ADGRG6: variants seen among roughly 807,000 people sequenced by gnomAD.
ADGRG6 encodes adhesion G protein-coupled receptor G6, also known as G-protein coupled receptor 126.
Under a neutral mutation model 142.4 loss-of-function variants are expected in ADGRG6, and 84 were observed. The observed-to-expected ratio is 0.59, with a 90% confidence interval of 0.49 to 0.71. The LOEUF is 0.71. Among genes scored for constraint, ADGRG6 ranks in the 30% least tolerant of loss-of-function variants. The pLI is 0.00. For missense variants in ADGRG6, 1,367 were observed against 1,466.6 expected, an observed-to-expected ratio of 0.93 and a Z score of 1.11; for synonymous variants, 521 against 520.5, an observed-to-expected ratio of 1.00 and a Z score of -0.01.
At chr6:142,429,083 T>G (rs1044263117) in intron 22 of ADGRG6, among the ~76,000 whole-genome samples, 2 of 152,182 alleles carry the variant, frequency 1.3e-5, no homozygotes, top group African/African-American at 4.8e-5. Flanking sequence ...GCAGAGAATA[T>G]TCTACTTCCA....
At chr6:142,326,307 CA>C (rs74763325) in intron 2 of ADGRG6, among the ~76,000 whole-genome samples, 695 of 131,162 alleles carry the variant, frequency 5.3e-3, no homozygotes, top group Middle Eastern at 0.011. Flanking sequence ...GTCCTCCCAG[CA>C]AAAAAAAAAA....
At chr6:142,355,591 C>A (rs1480789040) in intron 2 of ADGRG6, among the ~76,000 whole-genome samples, 1 of 152,100 alleles carries the variant, frequency 6.6e-6, no homozygotes, top group Non-Finnish European at 1.5e-5. Context: ...CACCTCTGCT[C>A]TCCAGCGACA....
chr6:142,361,319 C>T (rs946396326), intron 2 of ADGRG6, among the ~76,000 whole-genome samples: 3 of 152,108 alleles, frequency 2.0e-5, no homozygotes, highest in Admixed American at 6.5e-5. Context: ...CCAAGAATTT[C>T]GTTTAAATGC....
chr6:142,319,382 TCTC>T (rs1289328014), intron 2 of ADGRG6, among the ~76,000 whole-genome samples: 1 of 152,092 alleles, frequency 6.6e-6, no homozygotes, highest in Non-Finnish European at 1.5e-5. Flanking sequence ...CGGACAAAAA[TCTC>T]CTTTTTTATA....
At chr6:142,401,944 A>G in intron 11 of ADGRG6, 50 bp from the exon 12 acceptor site, 1 of 858,698 alleles carries the variant, frequency 1.2e-6, no homozygotes, top group Non-Finnish European at 1.9e-6. Context: ...AAGCAGTACA[A>G]AATAATACCA....
At chr6:142,432,206 T>G (rs1313395682) in intron 22 of ADGRG6, among the ~76,000 whole-genome samples, 3 of 152,170 alleles carry the variant, frequency 2.0e-5, no homozygotes, top group African/African-American at 7.2e-5. Context: ...ATATTGCTTG[T>G]GTGCACTGTT....
At chr6:142,409,851 T>G in intron 16 of ADGRG6, 23 bp from the exon 17 acceptor site, 1 of 1,215,770 alleles carries the variant, frequency 8.2e-7, no homozygotes, top group Admixed American at 2.2e-5. Context: ...CAATTTCACA[T>G]GTTTATTCTT....
intron 18 of ADGRG6, among the ~76,000 whole-genome samples, 174 bp from the exon 19 acceptor site, chr6:142,414,795 T>G (rs533257737): frequency 1.2e-4 from 18 of 152,346 alleles, no homozygotes; most frequent in African/African-American, 4.1e-4. Context: ...TTTTTTCTTT[T>G]ATTTATTGAT....
chr6:142,398,110 T>G (rs930205375), intron 10 of ADGRG6, among the ~76,000 whole-genome samples: 1 of 152,160 alleles, frequency 6.6e-6, no homozygotes, highest in African/African-American at 2.4e-5. Context: ...GAGATAAATC[T>G]TATAGAAGGA....
At chr6:142,354,126 A>G (rs1780322888) in intron 2 of ADGRG6, among the ~76,000 whole-genome samples, 1 of 152,198 alleles carries the variant, frequency 6.6e-6, no homozygotes, top group Non-Finnish European at 1.5e-5. Context: ...CCCTCCTGTA[A>G]GCAGATATTT....
intron 22 of ADGRG6, among the ~76,000 whole-genome samples, chr6:142,425,936 C>A (rs1386159626): frequency 1.3e-5 from 2 of 152,174 alleles, no homozygotes; most frequent in Admixed American, 6.6e-5. Flanking sequence ...CATTTACTAT[C>A]ACGATAACAG....
chr6:142,397,189 T>C lies in ADGRG6; in HGVS notation c.1425-424T>C, dbSNP rs375124366. On this transcript the variant is annotated intron_variant, in intron 9 of 24. Coordinates refer to ENST00000367609, the MANE Select transcript of ADGRG6 (RefSeq NM_198569.3). ...AATATAAATAGTTAATTTCTAATAG[T>C]TAGAAATGGTAATTTCAAAAGATAA... Among the ~76,000 whole-genome samples the C allele has an allele frequency of 2.6e-5, 4 of 152,234 alleles. No individual in the cohort carries two copies. In the East Asian group the frequency reaches 7.7e-4, roughly 29 times the overall value.
chr6:142,438,737 C>T (rs1472017315), intron 24 of ADGRG6, among the ~76,000 whole-genome samples: 3 of 151,978 alleles, frequency 2.0e-5, no homozygotes, highest in Admixed American at 6.6e-5. Context: ...GACAAGTTGT[C>T]TTGGGAACAG....
At chr6:142,361,377 C>T (rs1364608099) in intron 2 of ADGRG6, among the ~76,000 whole-genome samples, 1 of 152,110 alleles carries the variant, frequency 6.6e-6, no homozygotes, top group African/African-American at 2.4e-5. Flanking sequence ...AACAAGCTCT[C>T]GGATGATGCC....
At chr6:142,398,979 C>G (rs747297120) in intron 10 of ADGRG6, among the ~76,000 whole-genome samples, 4 of 152,094 alleles carry the variant, frequency 2.6e-5, no homozygotes, top group Non-Finnish European at 5.9e-5. Flanking sequence ...TTCCCTGGAA[C>G]TGGAACACTT....
chr6:142,313,718 T>C (rs911841284), intron 2 of ADGRG6, among the ~76,000 whole-genome samples: 1 of 152,176 alleles, frequency 6.6e-6, no homozygotes, highest in Non-Finnish European at 1.5e-5. Context: ...TTTCTTATCA[T>C]AAAATGAACA....
At chr6:142,425,289 CA>C (rs1351367138) in intron 22 of ADGRG6, among the ~76,000 whole-genome samples, 1 of 152,068 alleles carries the variant, frequency 6.6e-6, no homozygotes, top group Non-Finnish European at 1.5e-5. Flanking sequence ...AGGAGACTCT[CA>C]GTGTTTGGGG....
intron 22 of ADGRG6, among the ~76,000 whole-genome samples, chr6:142,436,992 A>G (rs1351144786): frequency 6.6e-6 from 1 of 152,222 alleles, no homozygotes; most frequent in African/African-American, 2.4e-5. Context: ...TATAATATAC[A>G]TATGTAAAAT....
At chr6:142,336,171 G>C (rs539598602) in intron 2 of ADGRG6, among the ~76,000 whole-genome samples, 1 of 152,220 alleles carries the variant, frequency 6.6e-6, no homozygotes, top group East Asian at 1.9e-4. Flanking sequence ...CTTCTCTCAA[G>C]GATAAAGGCT....
Sources: gnomAD v4.1 joint callset for allele counts (sites outside exome capture counted in the v4.1 genomes callset) on GRCh38, gnomAD v4.1.1 for gene constraint, MANE v1.5 for transcripts, NCBI Gene and HGNC (gene_info 2026-07-23, HGNC 2026-07-21) for gene names.